HERC2: variants seen among roughly 807,000 people sequenced by gnomAD.
HERC2 encodes HECT and RLD domain containing E3 ubiquitin protein ligase 2, also known as E3 ubiquitin-protein ligase HERC2.
Under a neutral mutation model 537.7 loss-of-function variants are expected in HERC2, and 102 were observed. The observed-to-expected ratio is 0.19, with a 90% CI of 0.16 to 0.22. HERC2 has a LOEUF of 0.22. HERC2 is among the 10% of genes least tolerant of loss of function. The pLI, the probability that HERC2 is intolerant of heterozygous loss-of-function variation, is 1.00. For synonymous variants in HERC2, 2,224 were observed against 2,466.2 expected, an observed-to-expected ratio of 0.90 and a Z score of 2.91; for missense variants, 4,236 against 6,198.2, an observed-to-expected ratio of 0.68 and a Z score of 10.63.
intron 52 of HERC2, among the ~76,000 whole-genome samples, chr15:28,195,714 G>A (rs1003408622): frequency 2.6e-5 from 4 of 152,076 alleles, no homozygotes; most frequent in African/African-American, 9.7e-5. Flanking sequence ...TGGGTACAGA[G>A]TTTCTGATCG....
In HERC2 at chr15:28,294,772, C is replaced by A. The variant is rs140360543; in HGVS notation, c.188-1750G>T. 6.5e-3 allele frequency among the ~76,000 whole-genome samples: 988 copies of A among 152,084 alleles called. 31 individuals are homozygous for A. Among genetic ancestry groups the A allele is most frequent in the Admixed American group, 0.045 (683 of 15,272 alleles). ...CCAAGTGCAGCCCCCGTGTGGCATG[C>A]GGTGTCCCCCACCCCCAGGGCTGTG... On this transcript the variant is annotated intron_variant, in intron 3 of 92. Transcript: ENST00000261609.
At chr15:28,212,414 G>A (rs1273618146) in intron 43 of HERC2, 31 bp downstream of exon 43, 5 of 1,593,756 alleles carry the variant, frequency 3.1e-6, no homozygotes, top group Non-Finnish European at 4.3e-6. Context: ...TAAGACGGCA[G>A]CTATTTCATC....
chr15:28,177,090 T>C lies in HERC2; in HGVS notation c.9292A>G (p.Thr3098Ala). 6.2e-7 allele frequency: 1 copy of C among 1,613,514 alleles called. No individual in the cohort carries two copies. Among genetic ancestry groups the C allele is most frequent in the Non-Finnish European group, 8.5e-7 (1 of 1,179,538 alleles). ...CAGGCGATATCCCGGATACGCTTGGTTTTCAGGGCCTCGATCAGCCTTGGT... is the reference window on the plus strand; with the variant it reads ...CAGGCGATATCCCGGATACGCTTGGCTTTCAGGGCCTCGATCAGCCTTGGT... ...DKPRLIEALK[T>A]KRIRDIACGS... The change falls in exon 61 of 93, where the codon ACC (threonine) becomes GCC (alanine). Residue 3098 changes from threonine (T) to alanine (A), a missense_variant. Physicochemically the swap from Thr to Ala is moderately conservative, Grantham distance 58. Coordinates refer to ENST00000261609, the MANE Select transcript of HERC2 (RefSeq NM_004667.6). This position sits in a 1 kb window ranked among gnomAD's most constrained non-coding sequence, Gnocchi z 5.0.
At chr15:28,136,682 CT>C (rs1393493987) in intron 78 of HERC2, among the ~76,000 whole-genome samples, 4 of 152,236 alleles carry the variant, frequency 2.6e-5, no homozygotes, top group Non-Finnish European at 5.9e-5. Flanking sequence ...GTAAATGAAG[CT>C]TTACGGGAAC....
chr15:28,274,473 G>GCC, intron 6 of HERC2, 26 bp from the exon 7 acceptor site: 1 of 1,581,144 alleles, frequency 6.3e-7, no homozygotes, highest in Non-Finnish European at 8.6e-7. Flanking sequence ...CGTCAGAGGA[G>GCC]CCCCCCCACT....
chr15:28,194,236 T>G (rs1015600109), intron 52 of HERC2, among the ~76,000 whole-genome samples: 9 of 149,682 alleles, frequency 6.0e-5, no homozygotes, highest in Non-Finnish European at 8.9e-5. Flanking sequence ...CGGCTAATTT[T>G]TTGTATTTTT....
chr15:28,260,918 A>G lies in HERC2; in HGVS notation c.2175T>C (p.Thr725=), dbSNP rs772634975. Residue 725 remains threonine, a synonymous_variant, in exon 16 of 93, where the codon ACT becomes ACC. Coordinates refer to ENST00000261609, the MANE Select transcript of HERC2 (RefSeq NM_004667.6). The stretch of plus-strand genomic sequence containing the variant: ...CCCAGCTGTGGACCTCGCTGTCCTC[A>G]GTCAGAGCCAGGCAGTGGGTGGAGC... ...AAGSTHCLAL[T]EDSEVHSWGS... is the part of the protein sequence containing the mutation. 4 of 1,614,196 alleles carry G rather than the reference A, an allele frequency of 2.5e-6. No individual in the cohort carries two copies. Among genetic ancestry groups the G allele is most frequent in the South Asian group, 2.2e-5 (2 of 91,076 alleles).
chr15:28,201,400 C>G, intron 48 of HERC2, 56 bp downstream of exon 48: 1 of 1,161,612 alleles, frequency 8.6e-7, no homozygotes, highest in Non-Finnish European at 1.3e-6. Flanking sequence ...AGGACATACT[C>G]AAATATTTGC....
At chr15:28,149,198 A>C (rs1374769353) in intron 70 of HERC2, among the ~76,000 whole-genome samples, 2 of 152,148 alleles carry the variant, frequency 1.3e-5, no homozygotes, top group African/African-American at 4.8e-5. Context: ...ACATTCTAGA[A>C]AAATTACCGA....
Position 28,144,601 on chromosome 15 carries a change from C to T in HERC2, c.11140+72G>A, listed in dbSNP as rs1270903344. The T allele has an allele frequency of 6.9e-6, 11 of 1,600,644 alleles. No homozygotes were observed. In the East Asian group the frequency reaches 8.9e-5, roughly 13 times the overall value. Reference sequence around the variant, plus strand: ...GTCAGGCACTACGTGGACATGTGCACGTGTCCCTGTTGCTCCAGAAACAAT... The same window carrying T: ...GTCAGGCACTACGTGGACATGTGCATGTGTCCCTGTTGCTCCAGAAACAAT... On this transcript the variant is annotated intron_variant, in intron 72 of 92. Coordinates refer to ENST00000261609, the MANE Select transcript of HERC2 (RefSeq NM_004667.6).
At chr15:28,267,681 T>C (rs1186101333) in intron 12 of HERC2, among the ~76,000 whole-genome samples, 1 of 152,282 alleles carries the variant, frequency 6.6e-6, no homozygotes, top group African/African-American at 2.4e-5. Flanking sequence ...TTCTCCCAGT[T>C]TGGGATCTTC....
chr15:28,130,080 C>A, intron 83 of HERC2, 83 bp downstream of exon 83: 1 of 1,544,964 alleles, frequency 6.5e-7, no homozygotes, highest in Non-Finnish European at 8.9e-7. Context: ...GCCTGTGCCC[C>A]CTTTTAAGGC....
intron 65 of HERC2, among the ~76,000 whole-genome samples, chr15:28,171,193 T>C (rs1298305105): frequency 6.6e-6 from 1 of 152,228 alleles, no homozygotes; most frequent in Non-Finnish European, 1.5e-5. Flanking sequence ...ATGAATGACA[T>C]GGCAGTTTTA....
At position 28,111,796 on chromosome 15, in the gene HERC2, C is replaced by A; in HGVS notation, c.14472G>T (p.Ser4824=). ...CTGTTAAATAATCTTGTGTAGAGTC[C>A]GAAGCAAAGGAGTCGACATCCTCGT... ...SDNEDVDSFA[S]DSTQDYLTGH The change falls in exon 93 of 93, where the codon TCG becomes TCT. Residue 4824 remains serine, a synonymous_variant. Coordinates refer to ENST00000261609, the MANE Select transcript of HERC2 (RefSeq NM_004667.6). 1 of 1,614,162 alleles carries A rather than the reference C, an allele frequency of 6.2e-7. No individual in the cohort carries two copies. The highest frequency in any genetic ancestry group is 1.3e-5 in the African/African-American group (1 of 75,030).
intron 20 of HERC2, among the ~76,000 whole-genome samples, chr15:28,252,867 C>G (rs190302570): frequency 6.6e-6 from 1 of 152,188 alleles, no homozygotes; most frequent in East Asian, 1.9e-4. Flanking sequence ...CTACTAAGTT[C>G]GTTTTTCTGG....
In HERC2 at chr15:28,177,882, CTG is replaced by C. The variant is rs774399555; in HGVS notation, c.9164-375_9164-374del. On this transcript the variant is annotated intron_variant, in intron 59 of 92. Transcript: ENST00000261609. The surrounding 1 kb of genome is among the most constrained non-coding windows in gnomAD (Gnocchi z 5.0). ...TAGTGTCAATTTAAGTTTTTGAGAA[CTG>C]TACCTCAACAGTGAAATTATTCAAT... 7.9e-5 allele frequency among the ~76,000 whole-genome samples: 12 copies of C among 152,302 alleles called. No homozygotes were observed. Among genetic ancestry groups the C allele is most frequent in the Admixed American group, 3.9e-4 (6 of 15,296 alleles).
intron 69 of HERC2, among the ~76,000 whole-genome samples, chr15:28,160,437 C>T (rs930276622): frequency 3.3e-5 from 5 of 152,198 alleles, no homozygotes; most frequent in African/African-American, 7.2e-5. Flanking sequence ...CAACGGTGGA[C>T]GCCCCTCCCC....
chr15:28,177,361 G>T lies in HERC2; in HGVS notation c.9254+58C>A. On this transcript the variant is annotated intron_variant, in intron 60 of 92. Coordinates refer to ENST00000261609, the MANE Select transcript of HERC2 (RefSeq NM_004667.6). This position sits in a 1 kb window ranked among gnomAD's most constrained non-coding sequence, Gnocchi z 5.0. The stretch of plus-strand genomic sequence containing the variant: ...TAATTTTCTGCAAAATAATTCTCAA[G>T]AGTATCAGTCAGAAACAGTTTCTTA... The T allele has an allele frequency of 4.7e-6, 7 of 1,499,272 alleles. No homozygotes were observed. The highest frequency in any genetic ancestry group is 6.5e-6 in the Non-Finnish European group (7 of 1,076,984). The allele number at this position is 1,499,272 out of a possible 1,614,324, so 92.9% of individuals were successfully genotyped here.
At chr15:28,156,630 A>G (rs1289514687) in intron 69 of HERC2, among the ~76,000 whole-genome samples, 1 of 152,180 alleles carries the variant, frequency 6.6e-6, no homozygotes, top group African/African-American at 2.4e-5. Flanking sequence ...GAAGTTGCTG[A>G]TCAGCTTAAG....
Sources: allele counts gnomAD v4.1 joint callset (sites outside exome capture counted in the v4.1 genomes callset), GRCh38; gene constraint gnomAD v4.1.1; non-coding constraint Gnocchi (gnomAD v3.1); transcripts MANE v1.5; gene names NCBI Gene and HGNC (gene_info 2026-07-23, HGNC 2026-07-21).